The following ST6GALNAC3 variants were observed in gnomAD, a reference collection of about 807,000 sequenced individuals.
ST6GALNAC3 encodes alpha-N-acetylgalactosaminide alpha-2,6-sialyltransferase 3.
ST6GALNAC3 carries 25 observed loss-of-function variants against 32.7 expected under a neutral mutation model. The ratio of observed to expected loss-of-function variants is 0.76; its 90% CI spans 0.56 to 1.07. The LOEUF (loss-of-function observed/expected upper bound fraction) is 1.07. Among genes scored for constraint, ST6GALNAC3 ranks in the 50% least tolerant of loss-of-function variants. The pLI is 0.00. For missense variants in ST6GALNAC3, 355 were observed against 382.4 expected, an observed-to-expected ratio of 0.93 and a Z score of 0.60; for synonymous variants, 129 against 133.1, an observed-to-expected ratio of 0.97 and a Z score of 0.21.
In ST6GALNAC3 at chr1:76,627,482, G is replaced by T. The variant is rs770440689; in HGVS notation, c.654G>T (p.Gly218=). The change falls in exon 4 of 5, where the codon GGG becomes GGT. Residue 218 remains glycine (G), a synonymous_variant. Coordinates refer to ENST00000328299, the MANE Select transcript of ST6GALNAC3 (RefSeq NM_152996.4). ...AGTCTGGCTCATATCTCAGCACAGGGTGGTTTACCTTCCTTCTGGCCATGG... is the reference window on the plus strand; with the variant it reads ...AGTCTGGCTCATATCTCAGCACAGGTTGGTTTACCTTCCTTCTGGCCATGG... The part of the protein sequence containing the change: ...RVQSGSYLST[G]WFTFLLAMDA... The T allele has an allele frequency of 7.4e-6, 12 of 1,612,596 alleles. No individual in the cohort carries two copies. Among genetic ancestry groups the T allele is most frequent in the Non-Finnish European group, 7.6e-6 (9 of 1,178,988 alleles).
intron 3 of ST6GALNAC3, among the ~76,000 whole-genome samples, chr1:76,538,597 A>T (rs888439624): frequency 6.6e-6 from 1 of 152,220 alleles, no homozygotes; most frequent in Non-Finnish European, 1.5e-5. Flanking sequence ...TTTGCAGATG[A>T]CATGATTTTA....
chr1:76,095,018 G>A (rs550336113), intron 1 of ST6GALNAC3, among the ~76,000 whole-genome samples: 2 of 152,046 alleles, frequency 1.3e-5, no homozygotes, highest in African/African-American at 4.8e-5. Context: ...TCACCTGTAT[G>A]TATACCTATT....
intron 1 of ST6GALNAC3, among the ~76,000 whole-genome samples, chr1:76,302,556 C>T (rs1660789099): frequency 6.6e-6 from 1 of 151,952 alleles, no homozygotes; most frequent in Non-Finnish European, 1.5e-5. Flanking sequence ...GACTAACAAT[C>T]GATGGTCTCT....
At chr1:76,546,966 G>T (rs921038871) in intron 3 of ST6GALNAC3, among the ~76,000 whole-genome samples, 6 of 152,214 alleles carry the variant, frequency 3.9e-5, no homozygotes, top group Non-Finnish European at 5.9e-5. Flanking sequence ...AAGATTAAAA[G>T]GATTGGATAG....
chr1:76,216,180 C>T (rs1386286880), intron 1 of ST6GALNAC3, among the ~76,000 whole-genome samples: 1 of 152,144 alleles, frequency 6.6e-6, no homozygotes, highest in Non-Finnish European at 1.5e-5. Context: ...AATTTCCTCT[C>T]ATGTTTTTGC....
At chr1:76,534,528 G>A (rs567301244) in intron 3 of ST6GALNAC3, among the ~76,000 whole-genome samples, 6 of 152,138 alleles carry the variant, frequency 3.9e-5, no homozygotes, top group African/African-American at 1.4e-4. Flanking sequence ...ATGCTGTTTT[G>A]TATTTTCCTA....
At chr1:76,345,223 C>T (rs1038688437) in intron 2 of ST6GALNAC3, among the ~76,000 whole-genome samples, 5 of 152,156 alleles carry the variant, frequency 3.3e-5, no homozygotes, top group African/African-American at 1.2e-4. Context: ...TCATTTGCCT[C>T]TTTACCTTTC....
At chr1:76,601,223 A>G (rs1557615333) in intron 3 of ST6GALNAC3, among the ~76,000 whole-genome samples, 1 of 152,102 alleles carries the variant, frequency 6.6e-6, no homozygotes, top group Non-Finnish European at 1.5e-5. Context: ...GAAGGAAGGA[A>G]GAAAGGAAGG....
chr1:76,131,291 T>A (rs1649594880), intron 1 of ST6GALNAC3, among the ~76,000 whole-genome samples: 2 of 152,238 alleles, frequency 1.3e-5, no homozygotes, highest in African/African-American at 4.8e-5. Context: ...GGCCACTTGT[T>A]CTTCAGTGGG....
At position 76,410,415 on chromosome 1, in the gene ST6GALNAC3, C is replaced by T. The variant is rs982976629; in HGVS notation, c.214-1593C>T. On this transcript the variant is annotated intron_variant, in intron 2 of 4. Coordinates refer to ENST00000328299, the MANE Select transcript of ST6GALNAC3 (RefSeq NM_152996.4). The stretch of plus-strand genomic sequence containing the variant: ...TCAGCAATGTCTTTTTCTGGTTACT[C>T]CACCAACTCTCTCTCTCTCACACAC... 6.3e-4 allele frequency among the ~76,000 whole-genome samples: 96 copies of T among 151,994 alleles called. 5 individuals carry two copies.
intron 2 of ST6GALNAC3, among the ~76,000 whole-genome samples, chr1:76,360,069 G>T (rs1649805466): frequency 6.6e-6 from 1 of 151,996 alleles, no homozygotes; most frequent in African/African-American, 2.4e-5. Context: ...CTACCATATA[G>T]ATTACAAAGG....
intron 1 of ST6GALNAC3, among the ~76,000 whole-genome samples, chr1:76,289,342 C>T (rs1659948569): frequency 6.6e-6 from 1 of 152,140 alleles, no homozygotes; most frequent in South Asian, 2.1e-4. Flanking sequence ...TGATCCCAGC[C>T]CTGGCACTTA....
intron 1 of ST6GALNAC3, among the ~76,000 whole-genome samples, chr1:76,216,604 C>A (rs1655477609): frequency 6.6e-6 from 1 of 152,178 alleles, no homozygotes; most frequent in African/African-American, 2.4e-5. Flanking sequence ...TCAAGCTTTT[C>A]TTCTTTCTTC....
At chr1:76,236,579 A>G (rs1656673702) in intron 1 of ST6GALNAC3, among the ~76,000 whole-genome samples, 1 of 152,200 alleles carries the variant, frequency 6.6e-6, no homozygotes, top group Non-Finnish European at 1.5e-5. Context: ...TTTTATCTCC[A>G]GTATCTTCAG....
At chr1:76,297,879 A>G (rs1457820864) in intron 1 of ST6GALNAC3, among the ~76,000 whole-genome samples, 1 of 152,070 alleles carries the variant, frequency 6.6e-6, no homozygotes, top group East Asian at 1.9e-4. Flanking sequence ...TCAAGAATCA[A>G]GAGACTAACT....
At chr1:76,523,452 G>C (rs532943045) in intron 3 of ST6GALNAC3, among the ~76,000 whole-genome samples, 30 of 152,184 alleles carry the variant, frequency 2.0e-4, no homozygotes, top group Non-Finnish European at 4.1e-4. Flanking sequence ...AGAGGCTCCA[G>C]ATGTTGTGAT....
At chr1:76,558,531 C>T (rs1665059184) in intron 3 of ST6GALNAC3, among the ~76,000 whole-genome samples, 1 of 152,058 alleles carries the variant, frequency 6.6e-6, no homozygotes. Flanking sequence ...TAAGTGGGAG[C>T]TAAACATTGA....
At chr1:76,291,232 A>G (rs1330612577) in intron 1 of ST6GALNAC3, among the ~76,000 whole-genome samples, 1 of 152,234 alleles carries the variant, frequency 6.6e-6, no homozygotes. Context: ...GGCATATCGA[A>G]AGGGTTTCTT....
At chr1:76,330,353 A>C (rs1647167079) in intron 2 of ST6GALNAC3, among the ~76,000 whole-genome samples, 1 of 152,000 alleles carries the variant, frequency 6.6e-6, no homozygotes, top group Non-Finnish European at 1.5e-5. Flanking sequence ...GGGTTTCACC[A>C]TGTTGGTGAG....
Sources: allele counts gnomAD v4.1 joint callset (sites outside exome capture counted in the v4.1 genomes callset), GRCh38; gene constraint gnomAD v4.1.1; transcripts MANE v1.5; gene names NCBI Gene and HGNC (gene_info 2026-07-23, HGNC 2026-07-21).